Variants in GULP1 observed in about 807,000 individuals in gnomAD.
GULP1 encodes PTB domain-containing engulfment adapter protein 1.
Under a neutral mutation model 40.9 loss-of-function variants are expected in GULP1, and 19 were observed. The ratio of observed to expected loss-of-function variants is 0.46; its 90% CI spans 0.32 to 0.68. The LOEUF is 0.68. Ranked by LOEUF, GULP1 falls within the 30% of genes least tolerant of loss-of-function variation. The probability of loss-of-function intolerance (pLI) is 0.03; values close to 1 mark genes in which losing one functional copy is unlikely to be tolerated. For synonymous variants in GULP1, 119 were observed against 117.6 expected, an observed-to-expected ratio of 1.01 and a Z score of -0.08; for missense variants, 312 against 362.2, an observed-to-expected ratio of 0.86 and a Z score of 1.12.
chr2:188,538,668 G>T (rs937663608), intron 6 of GULP1, among the ~76,000 whole-genome samples: 1 of 150,124 alleles, frequency 6.7e-6, no homozygotes, highest in South Asian at 2.1e-4. Context: ...TGCTGATTGC[G>T]GTATGTGTGT....
intron 2 of GULP1, among the ~76,000 whole-genome samples, chr2:188,457,014 A>G (rs974024897): frequency 2.0e-5 from 3 of 152,140 alleles, no homozygotes; most frequent in African/African-American, 7.2e-5. Flanking sequence ...GGTTTTGGTC[A>G]GTTTCTCCCA....
At chr2:188,417,040 A>G (rs541313788) in intron 2 of GULP1, among the ~76,000 whole-genome samples, 2 of 152,318 alleles carry the variant, frequency 1.3e-5, no homozygotes, top group African/African-American at 4.8e-5. Flanking sequence ...GTTAAATTCC[A>G]TTATAAAACT....
At chr2:188,455,384 A>T (rs1193034067) in intron 2 of GULP1, among the ~76,000 whole-genome samples, 1 of 152,038 alleles carries the variant, frequency 6.6e-6, no homozygotes, top group Non-Finnish European at 1.5e-5. Flanking sequence ...CACAATTCCC[A>T]TGTGTCATGG....
At chr2:188,499,135 GTATATATATATATA>G (rs893185238) in intron 4 of GULP1, among the ~76,000 whole-genome samples, 7 of 56,354 alleles carry the variant, frequency 1.2e-4, no homozygotes, top group East Asian at 6.8e-4. Flanking sequence ...ATATGTGTGT[GTATATATATATATA>G]TATATATATA....
At chr2:188,438,496 A>T (rs2057632552) in intron 2 of GULP1, among the ~76,000 whole-genome samples, 1 of 151,028 alleles carries the variant, frequency 6.6e-6, no homozygotes, top group Non-Finnish European at 1.5e-5. Context: ...ACAATTATTA[A>T]TATAATTATT....
intron 2 of GULP1, among the ~76,000 whole-genome samples, chr2:188,474,471 CA>C (rs2060844235): frequency 6.6e-6 from 1 of 152,126 alleles, no homozygotes; most frequent in South Asian, 2.1e-4. Flanking sequence ...CCTCCATGGC[CA>C]GGGGTCAGTT....
chr2:188,394,838 G>T (rs902177195), intron 2 of GULP1, among the ~76,000 whole-genome samples: 1 of 152,122 alleles, frequency 6.6e-6, no homozygotes, highest in African/African-American at 2.4e-5. Context: ...TTGTATGATG[G>T]CTTTCTCAAA....
intron 2 of GULP1, among the ~76,000 whole-genome samples, chr2:188,444,268 TAA>T (rs1175158565): frequency 6.6e-6 from 1 of 152,204 alleles, no homozygotes; most frequent in Admixed American, 6.5e-5. Context: ...AATGTGGATG[TAA>T]AGTGTTCTCA....
chr2:188,552,427 G>A (rs930909775), intron 7 of GULP1, among the ~76,000 whole-genome samples: 3 of 151,748 alleles, frequency 2.0e-5, no homozygotes, highest in African/African-American at 7.2e-5. Context: ...TTTCTCCAGT[G>A]TAACTTCTTT....
intron 4 of GULP1, among the ~76,000 whole-genome samples, chr2:188,521,912 TA>T (rs1422510912): frequency 2.0e-5 from 3 of 151,964 alleles, no homozygotes; most frequent in Non-Finnish European, 4.4e-5. Flanking sequence ...CCATCTCTAC[TA>T]AAAATACAAA....
chr2:188,587,990 A>G, intron 11 of GULP1, 41 bp downstream of exon 11: 1 of 979,448 alleles, frequency 1.0e-6, no homozygotes, highest in Non-Finnish European at 1.7e-6. Context: ...GATTTATTTC[A>G]TTTTGATATG....
At chr2:188,584,961 T>TGTAAA (rs775454775) in intron 10 of GULP1, among the ~76,000 whole-genome samples, 9 of 152,176 alleles carry the variant, frequency 5.9e-5, no homozygotes, top group Admixed American at 1.3e-4. Context: ...AGAAAACACC[T>TGTAAA]ATAAGCCTGT....
chr2:188,309,784 G>T (rs1349278218), intron 1 of GULP1, among the ~76,000 whole-genome samples: 2 of 152,182 alleles, frequency 1.3e-5, no homozygotes, highest in African/African-American at 2.4e-5. Context: ...TGTGCTAAGT[G>T]GATGAAGGCT....
chr2:188,436,229 T>C (rs182560987), intron 2 of GULP1, among the ~76,000 whole-genome samples: 1 of 152,190 alleles, frequency 6.6e-6, no homozygotes, highest in Non-Finnish European at 1.5e-5. Context: ...TGTTTTTGTT[T>C]GTTTGTTTGT....
chr2:188,448,193 A>G (rs1559252731), intron 2 of GULP1, among the ~76,000 whole-genome samples: 1 of 152,222 alleles, frequency 6.6e-6, no homozygotes, highest in Non-Finnish European at 1.5e-5. Context: ...GTTTACATAG[A>G]TAATAGACAA....
intron 2 of GULP1, among the ~76,000 whole-genome samples, chr2:188,461,598 C>T (rs1183902577): frequency 3.9e-5 from 6 of 152,056 alleles, no homozygotes; most frequent in Non-Finnish European, 8.8e-5. Context: ...ACCACCGTGA[C>T]TGGCCCTGGG....
At chr2:188,589,825 CTTAT>C in intron 11 of GULP1, 2 of 661,814 alleles carry the variant, frequency 3.0e-6, no homozygotes, top group Non-Finnish European at 4.9e-6. Flanking sequence ...ATTTGCATGC[CTTAT>C]TTAATAAAAA....
At chr2:188,486,155 A>C (rs2061844705) in intron 4 of GULP1, among the ~76,000 whole-genome samples, 1 of 152,030 alleles carries the variant, frequency 6.6e-6, no homozygotes, top group Non-Finnish European at 1.5e-5. Flanking sequence ...TTAGGAAGAT[A>C]AATCGGTAGT....
chr2:188,491,535 C>A (rs2062391193), intron 4 of GULP1: 1 of 151,990 alleles, frequency 6.6e-6, no homozygotes. Context: ...GATGTGAACA[C>A]AGAAATTGAT....
Sources: allele counts gnomAD v4.1 joint callset (sites outside exome capture counted in the v4.1 genomes callset), GRCh38; gene constraint gnomAD v4.1.1; transcripts MANE v1.5; gene names NCBI Gene and HGNC (gene_info 2026-07-23, HGNC 2026-07-21).